AK3: variants seen among roughly 807,000 people sequenced by gnomAD.
The protein encoded by AK3 is adenylate kinase 3, also known as GTP:AMP phosphotransferase AK3, mitochondrial.
A neutral mutation model predicts 23.7 loss-of-function variants in AK3; 27 were observed. The ratio of observed to expected loss-of-function variants is 1.14; its 90% CI spans 0.84 to 1.57. AK3 has a LOEUF of 1.57. Ranked by LOEUF, AK3 falls within the 40% of genes most tolerant of loss-of-function variation. The probability of loss-of-function intolerance (pLI) is 0.00; values close to 1 mark genes in which losing one functional copy is unlikely to be tolerated. For synonymous variants in AK3, 159 were observed against 116.0 expected (o/e 1.37, Z -2.38); for missense variants, 406 against 285.6 (o/e 1.42, Z -3.04).
chr9:4,713,295 C>G (rs1015447402), intron 4 of AK3, among the ~76,000 whole-genome samples, 199 bp from the exon 5 acceptor site: 3 of 152,120 alleles, frequency 2.0e-5, no homozygotes, highest in African/African-American at 7.2e-5. Context: ...CTCTGGCTTA[C>G]AAAAATGGGT....
chr9:4,710,889 C>T lies in AK3; in HGVS notation c.*2087G>A, dbSNP rs555804956. 6.6e-6 allele frequency: 1 copy of T among 152,038 alleles called. No homozygotes were observed. The highest frequency in any genetic ancestry group is 1.9e-4 in the East Asian group (1 of 5,176). 9.4% of individuals were successfully genotyped at this position (152,038 alleles called of 1,614,324 possible). On this transcript the variant is annotated 3_prime_UTR_variant, in exon 5 of 5. Transcript: ENST00000381809. ...TGCCACTGCACTCTAGTCTGGGCAA[C>T]AGAGTGAGGCCCTGTCTAAAAAAAA... is the stretch of plus-strand genomic sequence containing the variant.
intron 1 of AK3, among the ~76,000 whole-genome samples, chr9:4,730,104 G>C (rs191155896): frequency 6.6e-6 from 1 of 152,260 alleles, no homozygotes; most frequent in African/African-American, 2.4e-5. Context: ...GATTCCATTT[G>C]CATAAAATGT....
At chr9:4,717,820 T>C (rs1841777595) in intron 4 of AK3, among the ~76,000 whole-genome samples, 2 of 152,184 alleles carry the variant, frequency 1.3e-5, no homozygotes, top group African/African-American at 2.4e-5. Context: ...TTATGGTGCT[T>C]GGTATTTTCA....
At chr9:4,735,077 T>C (rs1433127081) in intron 1 of AK3, among the ~76,000 whole-genome samples, 2 of 151,294 alleles carry the variant, frequency 1.3e-5, no homozygotes, top group East Asian at 1.9e-4. Flanking sequence ...TGTTCTAAAA[T>C]TGATTATTAA....
intron 1 of AK3, among the ~76,000 whole-genome samples, chr9:4,728,835 ATATATATATATATATATATAT>A (rs1563793063): frequency 7.4e-5 from 10 of 134,924 alleles, no homozygotes; most frequent in Admixed American, 2.3e-4. Context: ...GTCTCTACAT[ATATATATATATATATATATAT>A]ATATATATAT....
chr9:4,734,535 T>C (rs1213083879), intron 1 of AK3, among the ~76,000 whole-genome samples: 2 of 152,156 alleles, frequency 1.3e-5, no homozygotes, highest in East Asian at 1.9e-4. Context: ...AAGAGATGGA[T>C]AGATGGAGAG....
rs187393940 is a variant in AK3, at chr9:4,724,006, C to A, written c.152-1381G>T. On this transcript the variant is annotated intron_variant, in intron 1 of 4. Transcript: ENST00000381809. ...ATTCATGAAACTTTAGATTTTTAACCAAGAACAGATTCTAAATTGTCAGAT... is the reference window on the plus strand; with the variant it reads ...ATTCATGAAACTTTAGATTTTTAACAAAGAACAGATTCTAAATTGTCAGAT... Among the ~76,000 whole-genome samples the A allele has an allele frequency of 3.4e-3, 517 of 152,196 alleles. 5 individuals are homozygous for A. Among genetic ancestry groups the A allele is most frequent in the African/African-American group, 0.012 (495 of 41,522 alleles).
At chr9:4,741,261 CG>C (rs1473650969), upstream of AK3, 4 of 632,722 alleles carry the variant, frequency 6.3e-6, no homozygotes, top group African/African-American at 7.7e-5. Context: ...CCAGACAGCG[CG>C]GGACCCCGCT....
At chr9:4,727,180 T>A (rs1390962777) in intron 1 of AK3, among the ~76,000 whole-genome samples, 3 of 152,184 alleles carry the variant, frequency 2.0e-5, no homozygotes, top group Admixed American at 2.0e-4. Flanking sequence ...GAATGGTAAA[T>A]GAGCATTGGC....
At chr9:4,730,263 T>C (rs1329146079) in intron 1 of AK3, among the ~76,000 whole-genome samples, 1 of 152,198 alleles carries the variant, frequency 6.6e-6, no homozygotes, top group African/African-American at 2.4e-5. Flanking sequence ...GAGGTGATGG[T>C]TGCACAACTT....
At chr9:4,732,431 C>A (rs544904593) in intron 1 of AK3, among the ~76,000 whole-genome samples, 1 of 152,278 alleles carries the variant, frequency 6.6e-6, no homozygotes, top group South Asian at 2.1e-4. Context: ...TTTGACTACA[C>A]TAGGAATCGG....
At chr9:4,722,234 G>C (rs553135110) in intron 2 of AK3, among the ~76,000 whole-genome samples, 15 of 152,184 alleles carry the variant, frequency 9.9e-5, no homozygotes, top group Non-Finnish European at 1.5e-4. Context: ...TTCTTCTGTG[G>C]TGATCCTCCC....
chr9:4,715,457 C>T (rs1344186433), intron 4 of AK3, among the ~76,000 whole-genome samples: 1 of 146,844 alleles, frequency 6.8e-6, no homozygotes, highest in Non-Finnish European at 1.5e-5. Flanking sequence ...TGCAGTGGAG[C>T]AATCATAGAT....
intron 1 of AK3, among the ~76,000 whole-genome samples, chr9:4,734,917 T>C (rs1429940036): frequency 3.9e-5 from 6 of 152,132 alleles, no homozygotes; most frequent in Admixed American, 6.6e-5. Context: ...ACATATTGTA[T>C]GATTGCATTT....
intron 1 of AK3, among the ~76,000 whole-genome samples, chr9:4,732,417 G>A (rs940695556): frequency 3.3e-5 from 5 of 152,144 alleles, no homozygotes; most frequent in Admixed American, 3.3e-4. Flanking sequence ...GTTACATGTG[G>A]ATTTTTGACT....
At chr9:4,730,255 G>A (rs527949585) in intron 1 of AK3, among the ~76,000 whole-genome samples, 59 of 152,246 alleles carry the variant, frequency 3.9e-4, no homozygotes, top group African/African-American at 1.3e-3. Context: ...AATTGATTGA[G>A]GTGATGGTTG....
At chr9:4,716,387 A>G (rs928399871) in intron 4 of AK3, among the ~76,000 whole-genome samples, 17 of 152,212 alleles carry the variant, frequency 1.1e-4, no homozygotes, top group African/African-American at 4.1e-4. Context: ...AATAGACACC[A>G]GGGCTGTTGT....
chr9:4,712,799 T>A lies in AK3; in HGVS notation c.*177A>T. ...ACACTAGATGATTTCAAACGATGCA[T>A]CTTAGTATCCGAATCATTTGGCACA... On this transcript the variant is annotated 3_prime_UTR_variant, in exon 5 of 5. Transcript: ENST00000381809. 1.6e-6 allele frequency: 1 copy of A among 633,754 alleles called. No homozygotes were observed. Among genetic ancestry groups the A allele is most frequent in the Non-Finnish European group, 2.5e-6 (1 of 401,020 alleles). 39.3% of individuals were successfully genotyped at this position (633,754 alleles called of 1,614,324 possible). A position where few individuals can be genotyped will look rare whatever the true frequency, so the allele number is the denominator to read the frequency against.
chr9:4,727,367 T>A (rs1233131130), intron 1 of AK3, among the ~76,000 whole-genome samples: 1 of 152,252 alleles, frequency 6.6e-6, no homozygotes. Context: ...GACACCTTCA[T>A]CAATGATCTT....
Sources: gnomAD v4.1 joint callset for allele counts (sites outside exome capture counted in the v4.1 genomes callset) on GRCh38, gnomAD v4.1.1 for gene constraint, MANE v1.5 for transcripts, NCBI Gene and HGNC (gene_info 2026-07-23, HGNC 2026-07-21) for gene names.